TTBK2: variants seen among roughly 807,000 people sequenced by gnomAD.
TTBK2 encodes tau-tubulin kinase 2.
TTBK2 carries 28 observed loss-of-function variants against 110.8 expected under a neutral mutation model. The ratio of observed to expected loss-of-function variants is 0.25; its 90% confidence interval spans 0.19 to 0.35. The LOEUF (loss-of-function observed/expected upper bound fraction) is 0.35. Among genes scored for constraint, TTBK2 ranks in the 10% least tolerant of loss-of-function variants. The probability of loss-of-function intolerance (pLI) is 1.00; values close to 1 mark genes in which losing one functional copy is unlikely to be tolerated. For missense variants in TTBK2, 1,369 were observed against 1,500.3 expected (o/e 0.91, Z 1.45); for synonymous variants, 532 against 527.3 (o/e 1.01, Z -0.12).
At chr15:42,845,396 T>C (rs1277550311) in intron 3 of TTBK2, among the ~76,000 whole-genome samples, 1 of 151,980 alleles carries the variant, frequency 6.6e-6, no homozygotes, top group African/African-American at 2.4e-5. Context: ...CCAGGCACAG[T>C]AGCTCACGCC....
At chr15:42,812,020 T>A (rs567397134) in intron 7 of TTBK2, among the ~76,000 whole-genome samples, 213 of 152,108 alleles carry the variant, frequency 1.4e-3, no homozygotes, top group South Asian at 9.5e-3. Context: ...AACATAGAAA[T>A]GGTGGAAGTA....
chr15:42,817,225 A>G (rs781145156), intron 6 of TTBK2, 128 bp from the exon 7 acceptor site: 12 of 488,530 alleles, frequency 2.5e-5, no homozygotes, highest in Non-Finnish European at 3.6e-5. Context: ...TTTAATTTCT[A>G]ACTTTTAACT....
intron 3 of TTBK2, among the ~76,000 whole-genome samples, chr15:42,868,830 C>T (rs754894738): frequency 2.0e-5 from 3 of 151,694 alleles, no homozygotes; most frequent in Non-Finnish European, 4.4e-5. Flanking sequence ...CACTGCACTA[C>T]AGCCTGGACG....
chr15:42,884,297 T>C (rs1450142286), intron 1 of TTBK2, among the ~76,000 whole-genome samples: 2 of 152,208 alleles, frequency 1.3e-5, no homozygotes, highest in Non-Finnish European at 2.9e-5. Context: ...TATTTGGTTG[T>C]GATATTGTGG....
intron 3 of TTBK2, among the ~76,000 whole-genome samples, chr15:42,851,453 A>G (rs1004942900): frequency 2.0e-5 from 3 of 152,130 alleles, no homozygotes; most frequent in African/African-American, 7.2e-5. Flanking sequence ...GGGGAGTGAC[A>G]TAACTGTTTA....
intron 6 of TTBK2, among the ~76,000 whole-genome samples, chr15:42,820,703 A>T (rs1447079420): frequency 6.6e-6 from 1 of 151,944 alleles, no homozygotes; most frequent in Non-Finnish European, 1.5e-5. Context: ...GAAGCTGCAA[A>T]AAAAAAAAGG....
At chr15:42,839,026 G>T (rs1481297730) in intron 4 of TTBK2, among the ~76,000 whole-genome samples, 1 of 152,042 alleles carries the variant, frequency 6.6e-6, no homozygotes, top group Non-Finnish European at 1.5e-5. Context: ...GGTTTGGTGT[G>T]GAAACGATTT....
intron 10 of TTBK2, among the ~76,000 whole-genome samples, chr15:42,793,419 C>T (rs1313412861): frequency 1.3e-5 from 2 of 152,144 alleles, no homozygotes; most frequent in Admixed American, 1.3e-4. Flanking sequence ...CACAAGGGTG[C>T]ATGTCTGTAG....
At chr15:42,793,586 C>T (rs570024515) in intron 10 of TTBK2, among the ~76,000 whole-genome samples, 4 of 151,772 alleles carry the variant, frequency 2.6e-5, no homozygotes, top group South Asian at 4.2e-4. Context: ...CAGTGGCTCA[C>T]GCCTGTAATC....
intron 1 of TTBK2, among the ~76,000 whole-genome samples, chr15:42,908,887 G>A (rs999284114): frequency 1.3e-5 from 2 of 152,174 alleles, no homozygotes; most frequent in Non-Finnish European, 2.9e-5. Flanking sequence ...AGCAAGAGAA[G>A]AATGGATAAA....
chr15:42,830,591 C>T (rs1170915622), intron 4 of TTBK2, among the ~76,000 whole-genome samples: 1 of 152,082 alleles, frequency 6.6e-6, no homozygotes, highest in Non-Finnish European at 1.5e-5. Flanking sequence ...TTTAGCATAT[C>T]ATGTTTCTGA....
At chr15:42,824,078 C>T (rs1007833173) in intron 6 of TTBK2, among the ~76,000 whole-genome samples, 1 of 152,076 alleles carries the variant, frequency 6.6e-6, no homozygotes, top group Non-Finnish European at 1.5e-5. Context: ...TTTTAACAAT[C>T]AGCTCTCATA....
chr15:42,763,328 C>A (rs1390098521), intron 13 of TTBK2, among the ~76,000 whole-genome samples: 2 of 144,096 alleles, frequency 1.4e-5, no homozygotes, highest in Non-Finnish European at 1.5e-5. Context: ...GTTCTCCTGC[C>A]TCAGCCTCCC....
chr15:42,816,195 C>A (rs533154649), intron 7 of TTBK2, among the ~76,000 whole-genome samples: 1 of 143,696 alleles, frequency 7.0e-6, no homozygotes, highest in Non-Finnish European at 1.5e-5. Context: ...CAGCTTACCA[C>A]AACCTTCGCC....
chr15:42,884,016 CACTG>C (rs1895150833), intron 1 of TTBK2, among the ~76,000 whole-genome samples: 1 of 152,018 alleles, frequency 6.6e-6, no homozygotes, highest in South Asian at 2.1e-4. Flanking sequence ...CAAAGAAAAT[CACTG>C]GAGATAAAAA....
At chr15:42,866,120 G>A (rs1894362441) in intron 3 of TTBK2, among the ~76,000 whole-genome samples, 2 of 152,106 alleles carry the variant, frequency 1.3e-5, no homozygotes, top group Admixed American at 1.3e-4. Flanking sequence ...CAGGCTGTAT[G>A]TCAAGAAAAA....
chr15:42,792,678 G>C (rs1270703341), intron 10 of TTBK2, among the ~76,000 whole-genome samples: 1 of 152,008 alleles, frequency 6.6e-6, no homozygotes, highest in African/African-American at 2.4e-5. Context: ...AGTTTTTCTT[G>C]ATCTGTCTTT....
At chr15:42,850,710 A>AT (rs913846332) in intron 3 of TTBK2, among the ~76,000 whole-genome samples, 1 of 152,172 alleles carries the variant, frequency 6.6e-6, no homozygotes, top group Non-Finnish European at 1.5e-5. Context: ...TAGAATCACA[A>AT]TTTTTTTAAA....
Position 42,753,252 on chromosome 15 carries a change from A to C in TTBK2, c.1999-5T>G. Reference sequence around the variant, plus strand: ...AGAAGGTCTAGGAATTGTAATCTGGAGAAGGGGAAGAAAAAATTAAAATGC... The same window carrying C: ...AGAAGGTCTAGGAATTGTAATCTGGCGAAGGGGAAGAAAAAATTAAAATGC... On this transcript the variant is annotated splice_region_variant and splice_polypyrimidine_tract_variant and intron_variant, in intron 13 of 14. Coordinates refer to ENST00000267890, the MANE Select transcript of TTBK2 (RefSeq NM_173500.4). The C allele has an allele frequency of 6.2e-7, 1 of 1,613,236 alleles. No homozygotes were observed. The highest frequency in any genetic ancestry group is 8.5e-7 in the Non-Finnish European group (1 of 1,179,588).
Sources: allele counts gnomAD v4.1 joint callset (sites outside exome capture counted in the v4.1 genomes callset), GRCh38; gene constraint gnomAD v4.1.1; transcripts MANE v1.5; gene names NCBI Gene and HGNC (gene_info 2026-07-23, HGNC 2026-07-21).